The following RP1 variants were observed in gnomAD, a reference collection of about 807,000 sequenced individuals.
The protein encoded by RP1 is oxygen-regulated protein 1.
In RP1, 16 loss-of-function variants were observed where a neutral mutation model predicts 14.8. The ratio of observed to expected loss-of-function variants is 1.08; its 90% CI spans 0.73 to 1.65. RP1 has a LOEUF of 1.65. RP1 is among the 40% of genes most tolerant of loss of function. The pLI, the probability that RP1 is intolerant of heterozygous loss-of-function variation, is 0.00. For synonymous variants in RP1, 876 were observed against 883.6 expected (o/e 0.99, Z 0.15); for missense variants, 2,631 against 2,535.0 (o/e 1.04, Z -0.81).
downstream of RP1, chr8:54,770,306 C>T (rs145562076): frequency 1.4e-3 from 558 of 393,230 alleles, no homozygotes; most frequent in Non-Finnish European, 2.0e-3. Flanking sequence ...AAAATGAACA[C>T]GGAATAAGCA....
intron 1 of RP1, among the ~76,000 whole-genome samples, chr8:54,563,367 G>A (rs1038431210): frequency 3.3e-5 from 5 of 152,208 alleles, no homozygotes; most frequent in African/African-American, 9.6e-5. Context: ...GGAGGGCAGC[G>A]AGTCAGGGAC....
chr8:54,720,517 A>G (rs549140443), intron 16 of RP1, among the ~76,000 whole-genome samples: 1 of 152,322 alleles, frequency 6.6e-6, no homozygotes, highest in South Asian at 2.1e-4. Flanking sequence ...AGTTTTTGCT[A>G]CATTGAACTT....
chr8:54,740,403 TAAAAAAAAAAAAAAAA>T (rs34753388), intron 19 of RP1, among the ~76,000 whole-genome samples: 1 of 80,244 alleles, frequency 1.2e-5, no homozygotes, highest in Non-Finnish European at 2.4e-5. Context: ...GCTTAAAAAG[TAAAAAAAAAAAAAAAA>T]AAAAAAAAAA....
At position 54,698,750 on chromosome 8, in the gene RP1, A is replaced by G. The variant is rs558362368; in HGVS notation, c.1718-717A>G. Among the ~76,000 whole-genome samples the G allele has an allele frequency of 5.3e-4, 81 of 152,320 alleles. 2 individuals are homozygous for G. The highest frequency in any genetic ancestry group is 1.9e-3 in the African/African-American group (77 of 41,574). On this transcript the variant is annotated intron_variant, in intron 12 of 22. Coordinates refer to the RP1 transcript ENST00000636932. ...CATGTCCTTTGCAGGGACATGGATG[A>G]AACTGGAAACCATCATTCTCAGCAA...
At chr8:54,861,212 A>T (rs1046521035) in intron 27 of RP1, among the ~76,000 whole-genome samples, 2 of 152,194 alleles carry the variant, frequency 1.3e-5, no homozygotes, top group Non-Finnish European at 2.9e-5. Context: ...GTAAGCCTGA[A>T]CATTACCAGT....
At chr8:54,777,510 A>G (rs1040798703) in intron 23 of RP1, among the ~76,000 whole-genome samples, 1 of 152,214 alleles carries the variant, frequency 6.6e-6, no homozygotes, top group Non-Finnish European at 1.5e-5. Flanking sequence ...TAGGAAGCAT[A>G]ACTGTTTCTA....
intron 24 of RP1, among the ~76,000 whole-genome samples, chr8:54,810,774 A>C (rs1810971932): frequency 6.6e-6 from 1 of 152,180 alleles, no homozygotes; most frequent in East Asian, 1.9e-4. Context: ...CATGCCACAG[A>C]AGATTCACAA....
intron 19 of RP1, among the ~76,000 whole-genome samples, chr8:54,748,298 GA>G (rs1318736699): frequency 7.9e-5 from 12 of 152,298 alleles, no homozygotes; most frequent in African/African-American, 2.9e-4. Context: ...AATGCGGTAA[GA>G]AAAATAGTTT....
At chr8:54,612,479 T>C (rs1805622688), upstream of RP1, among the ~76,000 whole-genome samples, 3 of 152,224 alleles carry the variant, frequency 2.0e-5, no homozygotes, top group South Asian at 6.2e-4. Context: ...TCAGATATAC[T>C]TCAGAGTTCC....
chr8:54,705,936 T>C lies in RP1; in HGVS notation c.1999-507T>C, dbSNP rs970569910. ...TATTATCAGTTTTACTGTGTTAGTG[T>C]ATTTCTAATTAACTCTCAAGAGTCT... On this transcript the variant is annotated intron_variant, in intron 14 of 22. Transcript: ENST00000636932. Among the ~76,000 whole-genome samples the C allele has an allele frequency of 2.0e-5, 3 of 152,128 alleles. 1 individual carries two copies. Among genetic ancestry groups the C allele is most frequent in the Non-Finnish European group, 4.4e-5 (3 of 68,018 alleles).
chr8:54,636,438 A>G (rs898696439), intron 3 of RP1, among the ~76,000 whole-genome samples: 10 of 152,204 alleles, frequency 6.6e-5, no homozygotes, highest in Non-Finnish European at 1.2e-4. Context: ...AGAAACCATC[A>G]TAAAAATCAC....
rs76057600 is a variant in RP1, at chr8:54,841,628, C to T, written c.3835+3959C>T. On this transcript the variant is annotated intron_variant, in intron 25 of 28. Transcript: ENST00000637698. ...TCCCAGAGGCCAGCACTGCCAAATGCAGCTTGTTTCATGCCTTTCTCTGAT... is the reference window on the plus strand; with the variant it reads ...TCCCAGAGGCCAGCACTGCCAAATGTAGCTTGTTTCATGCCTTTCTCTGAT... Among the ~76,000 whole-genome samples, 872 of 152,334 alleles carry T rather than the reference C, an allele frequency of 5.7e-3. 5 individuals are homozygous for T. The highest frequency in any genetic ancestry group is 0.018 in the African/African-American group (741 of 41,570).
chr8:54,673,768 C>CAAT, intron 7 of RP1: 4 of 1,194,082 alleles, frequency 3.3e-6, no homozygotes, highest in Non-Finnish European at 4.7e-6. Flanking sequence ...ACAACAACAA[C>CAAT]AAACACTGCA....
chr8:54,739,469 A>G (rs1166560455), intron 19 of RP1, among the ~76,000 whole-genome samples: 4 of 152,044 alleles, frequency 2.6e-5, no homozygotes, highest in Non-Finnish European at 5.9e-5. Flanking sequence ...AACACTCTAA[A>G]CAAATATGGT....
In RP1 at chr8:54,621,428, G is replaced by A. The variant is rs1446636599; in HGVS notation, c.462G>A (p.Arg154=). ...CTCCCGGCATGCCCCGCCCCCCACGGAGCCTAGTGGTCTTCAGGAATGGCG... is the reference window on the plus strand; with the variant it reads ...CTCCCGGCATGCCCCGCCCCCCACGAAGCCTAGTGGTCTTCAGGAATGGCG... The part of the protein sequence containing the change: ...VAAPGMPRPP[R]SLVVFRNGDP... The change falls in exon 2 of 4, where the codon CGG becomes CGA. Residue 154 remains arginine, a synonymous_variant. Coordinates refer to ENST00000220676, the MANE Select transcript of RP1 (RefSeq NM_006269.2). The A allele has an allele frequency of 1.9e-6, 3 of 1,613,702 alleles. No homozygotes were observed. Among genetic ancestry groups the A allele is most frequent in the Admixed American group, 3.3e-5 (2 of 60,010 alleles).
chr8:54,712,957 G>T (rs1171354761), intron 15 of RP1, among the ~76,000 whole-genome samples: 1 of 152,156 alleles, frequency 6.6e-6, no homozygotes, highest in Non-Finnish European at 1.5e-5. Flanking sequence ...CTATGGTAAG[G>T]CATGCTTATA....
rs1337262034 is a variant in RP1, at chr8:54,670,503, AT to A, written c.1324-3346del. ...TTTACATATGTAAGTATGTATATATATACACATATATATGTATGTGTATATA... is the reference window on the plus strand; with the variant it reads ...TTTACATATGTAAGTATGTATATATAACACATATATATGTATGTGTATATA... On this transcript the variant is annotated intron_variant, in intron 7 of 22. Transcript: ENST00000636932. Among the ~76,000 whole-genome samples, 17 of 56,512 alleles carry A rather than the reference AT, an allele frequency of 3.0e-4. 2 individuals are homozygous for A. The highest frequency in any genetic ancestry group is 7.7e-4 in the Non-Finnish European group (16 of 20,726). The allele number at this position is 56,512 out of a possible 152,430, so 37.1% of individuals were successfully genotyped here.
chr8:54,745,846 G>C (rs1191356226), intron 19 of RP1, among the ~76,000 whole-genome samples: 1 of 151,910 alleles, frequency 6.6e-6, no homozygotes, highest in Non-Finnish European at 1.5e-5. Flanking sequence ...CATCCATATC[G>C]ACTCTTTCAT....
Position 54,628,882 on chromosome 8 carries a change from C to T in RP1, c.5000C>T (p.Ser1667Phe), listed in dbSNP as rs1274506604. 6.2e-7 allele frequency: 1 copy of T among 1,613,944 alleles called. No individual in the cohort carries two copies. The highest frequency in any genetic ancestry group is 8.5e-7 in the Non-Finnish European group (1 of 1,179,956). Residue 1667 changes from serine to phenylalanine, a missense_variant, in exon 4 of 4, where the codon TCC becomes TTC. By Grantham distance (155) the Ser-to-Phe change is radical. Transcript: ENST00000220676. Reference protein sequence around the residue: ...CPYNSVEFQCSRKASLYDSEG... With the variant: ...CPYNSVEFQCFRKASLYDSEG... Reference sequence around the variant, plus strand: ...TATAATTCTGTGGAATTTCAGTGTTCCAGGAAAGCAAGTCTTTATGATTCT... The same window carrying T: ...TATAATTCTGTGGAATTTCAGTGTTTCAGGAAAGCAAGTCTTTATGATTCT...
Sources: allele counts gnomAD v4.1 joint callset (sites outside exome capture counted in the v4.1 genomes callset), GRCh38; gene constraint gnomAD v4.1.1; transcripts MANE v1.5; gene names NCBI Gene and HGNC (gene_info 2026-07-23, HGNC 2026-07-21).